MAD1L1: variants seen among roughly 807,000 people sequenced by gnomAD.
MAD1L1 encodes mitotic spindle assembly checkpoint protein MAD1.
MAD1L1 carries 95 observed loss-of-function variants against 96.9 expected under a neutral mutation model. The ratio of observed to expected loss-of-function variants is 0.98; its 90% CI spans 0.83 to 1.16. MAD1L1 has a LOEUF of 1.16. Among genes scored for constraint, MAD1L1 ranks in the 50% most tolerant of loss-of-function variants. The pLI, the probability that MAD1L1 is intolerant of heterozygous loss-of-function variation, is 0.00. For missense variants in MAD1L1, 1,007 were observed against 954.4 expected, an observed-to-expected ratio of 1.06 and a Z score of -0.73; for synonymous variants, 473 against 396.6, an observed-to-expected ratio of 1.19 and a Z score of -2.29.
rs1282709430 is a variant in MAD1L1, at chr7:1,822,922, C to T, written c.1999-6694G>A. 6.6e-5 allele frequency among the ~76,000 whole-genome samples: 10 copies of T among 151,946 alleles called. No individual in the cohort carries two copies. The East Asian group carries it at 1.7e-3, about 26-fold the overall frequency. On this transcript the variant is annotated intron_variant, in intron 18 of 18. Transcript: ENST00000265854. ...GCTGGAGGGGAGATGTGGAGACCAG[C>T]AGAACAGAACAGAGGAACTCGAAAG... is the stretch of plus-strand genomic sequence containing the variant.
chr7:1,831,085 CAT>C (rs1478162820), intron 18 of MAD1L1, among the ~76,000 whole-genome samples: 1 of 152,290 alleles, frequency 6.6e-6, no homozygotes, highest in Non-Finnish European at 1.5e-5. Context: ...CCTGTGTTCA[CAT>C]GAGCACACCT....
chr7:2,031,711 A>G (rs1783234916), intron 12 of MAD1L1, among the ~76,000 whole-genome samples: 1 of 152,250 alleles, frequency 6.6e-6, no homozygotes, highest in South Asian at 2.1e-4. Flanking sequence ...ACCAGGGAGG[A>G]GGACGTGACC....
Position 2,142,163 on chromosome 7 carries a change from T to C in MAD1L1, c.1073+6989A>G, listed in dbSNP as rs1000402210. Among the ~76,000 whole-genome samples, 1 of 152,132 alleles carries C rather than the reference T, an allele frequency of 6.6e-6. No individual in the cohort carries two copies. The highest frequency in any genetic ancestry group is 2.4e-5 in the African/African-American group (1 of 41,430). On this transcript the variant is annotated intron_variant, in intron 11 of 18. Transcript: ENST00000265854. This position sits in a 1 kb window ranked among gnomAD's most constrained non-coding sequence, Gnocchi z 4.7. ...TGGGGCTATCCTACAGACAGACAAC[T>C]GACTCACGAGAGAGACGGCTTTTCA...
intron 18 of MAD1L1, among the ~76,000 whole-genome samples, chr7:1,867,963 C>T (rs971880216): frequency 6.6e-6 from 1 of 152,232 alleles, no homozygotes; most frequent in African/African-American, 2.4e-5. Flanking sequence ...GGGCGACAAC[C>T]GTCTCTGAGG....
rs568596561 is a variant in MAD1L1 at position 1,875,788 on chromosome 7, T to C, written c.1998+22412A>G. 3.9e-5 allele frequency among the ~76,000 whole-genome samples: 6 copies of C among 152,280 alleles called. No homozygotes were observed. In the East Asian group the frequency reaches 9.6e-4, roughly 24 times the overall value. On this transcript the variant is annotated intron_variant, in intron 18 of 18. Transcript: ENST00000265854. ...AGCAACTGTTACAGGCTGAACTGTG[T>C]CCCCCAAATTTAGATACTAACCTAA...
At chr7:2,226,457 G>A (rs918284259) in intron 3 of MAD1L1, among the ~76,000 whole-genome samples, 3 of 151,874 alleles carry the variant, frequency 2.0e-5, no homozygotes, top group African/African-American at 7.3e-5. Flanking sequence ...AGCTCCTGGG[G>A]GCCCTCTCAG....
intron 11 of MAD1L1, among the ~76,000 whole-genome samples, chr7:2,141,235 G>A (rs907924376): frequency 2.0e-5 from 3 of 152,352 alleles, no homozygotes; most frequent in African/African-American, 4.8e-5. Context: ...ACAGGGCCAC[G>A]CAGTGCCCCA....
intron 11 of MAD1L1, among the ~76,000 whole-genome samples, chr7:2,126,484 C>T (rs1310047801): frequency 6.6e-6 from 1 of 152,166 alleles, no homozygotes; most frequent in Non-Finnish European, 1.5e-5. Context: ...CTATCTTCCC[C>T]CCTCAGGCCT....
chr7:2,027,323 A>G (rs1783036137), intron 12 of MAD1L1, among the ~76,000 whole-genome samples: 1 of 152,182 alleles, frequency 6.6e-6, no homozygotes, highest in Non-Finnish European at 1.5e-5. Context: ...GATTACAGAA[A>G]ACAACAGAAG....
At chr7:1,976,568 G>A (rs192481957) in intron 15 of MAD1L1, among the ~76,000 whole-genome samples, 256 of 152,340 alleles carry the variant, frequency 1.7e-3, no homozygotes, top group Non-Finnish European at 7.1e-4. Context: ...GATTTACTGC[G>A]AAGAGTGAAA....
intron 18 of MAD1L1, among the ~76,000 whole-genome samples, chr7:1,887,273 G>A (rs555077249): frequency 6.6e-6 from 1 of 152,086 alleles, no homozygotes; most frequent in Non-Finnish European, 1.5e-5. Flanking sequence ...ATGTGTGCAT[G>A]CATGTGTGTA....
At chr7:2,101,104 GA>G (rs1246870791) in intron 11 of MAD1L1, among the ~76,000 whole-genome samples, 3 of 152,228 alleles carry the variant, frequency 2.0e-5, no homozygotes, top group African/African-American at 7.2e-5. Context: ...CCCACCCTCA[GA>G]AACTTGCTCC....
intron 11 of MAD1L1, among the ~76,000 whole-genome samples, chr7:2,118,470 G>A (rs901895641): frequency 3.9e-5 from 6 of 152,246 alleles, no homozygotes; most frequent in East Asian, 1.9e-4. Flanking sequence ...GTGTGGGCGC[G>A]GTGAGCACAC....
intron 12 of MAD1L1, among the ~76,000 whole-genome samples, chr7:2,052,409 C>T (rs958621568): frequency 6.7e-5 from 10 of 150,174 alleles, no homozygotes; most frequent in Admixed American, 2.6e-4. Flanking sequence ...CCCAGGAGGG[C>T]GCCGGACAGC....
chr7:1,938,155 C>T (rs1353861658), intron 16 of MAD1L1, among the ~76,000 whole-genome samples: 1 of 48,792 alleles, frequency 2.0e-5, no homozygotes, highest in African/African-American at 1.0e-4. Flanking sequence ...AGGGTCACTG[C>T]GCACCCGAGA....
chr7:2,079,205 C>T (rs2128537095), intron 11 of MAD1L1, among the ~76,000 whole-genome samples: 1 of 152,300 alleles, frequency 6.6e-6, no homozygotes, highest in Non-Finnish European at 1.5e-5. Context: ...GGCAAGCCCT[C>T]CTCCCTGGGG....
At position 2,000,194 on chromosome 7, in the gene MAD1L1, G is replaced by A. The variant is rs143908949; in HGVS notation, c.1416+1871C>T. On this transcript the variant is annotated intron_variant, in intron 14 of 18. Transcript: ENST00000265854. ...ATGAGCCCACCCGGGGCGGAATGCC[G>A]AAGCCGTCCTTGATTCCCAGCCCTC... 4.7e-4 allele frequency among the ~76,000 whole-genome samples: 71 copies of A among 152,170 alleles called. No individual in the cohort carries two copies. In the East Asian group the frequency reaches 6.8e-3, roughly 15 times the overall value.
At chr7:2,181,187 T>TC (rs1231207863) in intron 10 of MAD1L1, among the ~76,000 whole-genome samples, 1 of 152,276 alleles carries the variant, frequency 6.6e-6, no homozygotes, top group Non-Finnish European at 1.5e-5. Flanking sequence ...GATTGCTTTC[T>TC]CCACCATGTA....
At chr7:1,977,858 C>T (rs538251465) in intron 15 of MAD1L1, among the ~76,000 whole-genome samples, 26 of 152,366 alleles carry the variant, frequency 1.7e-4, no homozygotes, top group African/African-American at 5.8e-4. Flanking sequence ...GGCCGGGACA[C>T]GCTGACCTTC....
Sources: gnomAD v4.1 joint callset for allele counts (sites outside exome capture counted in the v4.1 genomes callset) on GRCh38, gnomAD v4.1.1 for gene constraint, Gnocchi (gnomAD v3.1) non-coding constraint, MANE v1.5 for transcripts, NCBI Gene and HGNC (gene_info 2026-07-23, HGNC 2026-07-21) for gene names.